SEC16B: variants seen among roughly 807,000 people sequenced by gnomAD.
SEC16B encodes the protein SEC16 homolog B, endoplasmic reticulum export factor.
Under a neutral mutation model 141.8 loss-of-function variants are expected in SEC16B, and 115 were observed. The observed-to-expected ratio is 0.81, with a 90% confidence interval of 0.70 to 0.95. The LOEUF is 0.95. Among genes scored for constraint, SEC16B ranks in the 40% least tolerant of loss-of-function variants. SEC16B has a pLI of 0.00. For synonymous variants in SEC16B, 493 were observed against 492.5 expected (o/e 1.00, Z -0.01); for missense variants, 1,291 against 1,312.3 (o/e 0.98, Z 0.25).
At chr1:177,951,777 G>T in intron 12 of SEC16B, 137 bp downstream of exon 12, 1 of 712,282 alleles carries the variant, frequency 1.4e-6, no homozygotes, top group Non-Finnish European at 2.5e-6. Context: ...CACAGGGCCT[G>T]GCACATGGTG....
Position 177,937,484 on chromosome 1 carries a change from A to G in SEC16B, c.2233T>C (p.Cys745Arg). ...CCAGGGGCTTCAGAGTAGCCTTGACATCCAGAAAAGTCCTGGTAGAAAGTG... is the reference window on the plus strand; with the variant it reads ...CCAGGGGCTTCAGAGTAGCCTTGACGTCCAGAAAAGTCCTGGTAGAAAGTG... ...ENTFYQDFSGCQGYSEAPGYR... is the reference protein window; with the variant it reads ...ENTFYQDFSGRQGYSEAPGYR... Residue 745 changes from cysteine (C) to arginine (R), a missense_variant, in exon 19 of 26, where the codon TGT becomes CGT. This residue lies in a region of SEC16B where 605 missense variants were observed against 614.1 expected (regional missense o/e 0.99). Coordinates refer to ENST00000308284, the MANE Select transcript of SEC16B (RefSeq NM_033127.4). 2 of 1,571,610 alleles carry G rather than the reference A, an allele frequency of 1.3e-6. No homozygotes were observed. Among genetic ancestry groups the G allele is most frequent in the Non-Finnish European group, 8.6e-7 (1 of 1,160,098 alleles).
At chr1:177,938,069 TC>T (rs1269639618) in intron 18 of SEC16B, among the ~76,000 whole-genome samples, 1 of 152,204 alleles carries the variant, frequency 6.6e-6, no homozygotes, top group Non-Finnish European at 1.5e-5. Context: ...AGGTTTTTTT[TC>T]TCTGGCAGCT....
intron 20 of SEC16B, among the ~76,000 whole-genome samples, chr1:177,934,040 A>G (rs891994407): frequency 2.0e-5 from 3 of 151,932 alleles, no homozygotes; most frequent in Non-Finnish European, 2.9e-5. Flanking sequence ...AACATAACTC[A>G]TCTTAGAGCT....
At chr1:177,948,424 T>A in intron 12 of SEC16B, 2 of 1,304,392 alleles carry the variant, frequency 1.5e-6, no homozygotes, top group Non-Finnish European at 2.0e-6. Context: ...ACAAAGCCCA[T>A]TCACACACAT....
upstream of SEC16B, among the ~76,000 whole-genome samples, chr1:177,970,703 C>G (rs1431799104): frequency 6.6e-6 from 1 of 152,192 alleles, no homozygotes. Flanking sequence ...TCCATTATAA[C>G]AAGAAAGTAG....
intron 2 of SEC16B, among the ~76,000 whole-genome samples, chr1:177,967,344 GA>G (rs998329407): frequency 2.0e-5 from 3 of 151,998 alleles, no homozygotes; most frequent in African/African-American, 7.2e-5. Flanking sequence ...CTACATAAAT[GA>G]ACTTTTGCAA....
At chr1:177,973,597 G>C (rs1342128006), upstream of SEC16B, among the ~76,000 whole-genome samples, 1 of 152,172 alleles carries the variant, frequency 6.6e-6, no homozygotes, top group Admixed American at 6.5e-5. Flanking sequence ...TTCCAAGATT[G>C]ATTAACTGTG....
intron 22 of SEC16B, 52 bp downstream of exon 22, chr1:177,933,162 C>A: frequency 7.0e-7 from 1 of 1,430,364 alleles, no homozygotes; most frequent in Non-Finnish European, 9.6e-7. Context: ...TGAGGCAGCT[C>A]CCTCTGAAAG....
In SEC16B at chr1:177,937,317, T is replaced by C. The variant is rs1650919577; in HGVS notation, c.2400A>G (p.Ser800=). 6.2e-7 allele frequency: 1 copy of C among 1,613,758 alleles called. No homozygotes were observed. Among genetic ancestry groups the C allele is most frequent in the Admixed American group, 1.7e-5 (1 of 59,990 alleles). The change falls in exon 19 of 26, where the codon TCA becomes TCG. Residue 800 remains serine, a synonymous_variant. Transcript: ENST00000308284. ...GQTGTPRPFY[S]VPETHLPGTG... ...TCCCTGGTAGATGGGTCTCAGGAAC[T>C]GAGTAAAAAGGCCTCGGTGTCCCTG... is the stretch of plus-strand genomic sequence containing the variant.
At chr1:177,952,879 T>A (rs1652311274) in intron 11 of SEC16B, among the ~76,000 whole-genome samples, 1 of 152,090 alleles carries the variant, frequency 6.6e-6, no homozygotes, top group Admixed American at 6.6e-5. Flanking sequence ...CACCGTGGTG[T>A]CACCAGTCTC....
At chr1:177,934,174 C>T (rs1650669928) in intron 20 of SEC16B, among the ~76,000 whole-genome samples, 2 of 151,832 alleles carry the variant, frequency 1.3e-5, no homozygotes, top group Admixed American at 1.3e-4. Flanking sequence ...CAGGATAAAG[C>T]TTGCCATTTT....
At position 177,929,722 on chromosome 1, in the gene SEC16B, A is replaced by G; in HGVS notation, c.*136T>C. 2 of 814,634 alleles carry G rather than the reference A, an allele frequency of 2.5e-6. No individual in the cohort carries two copies. Among genetic ancestry groups the G allele is most frequent in the South Asian group, 3.2e-5 (2 of 62,716 alleles). 50.5% of individuals were successfully genotyped at this position (814,634 alleles called of 1,614,324 possible). ...GAGAGATCCTGTCCTCTTGCCTTCT[A>G]AGTGCCCGGTGGAGGCATCGGGCTA... On this transcript the variant is annotated 3_prime_UTR_variant, in exon 26 of 26. Coordinates refer to ENST00000308284, the MANE Select transcript of SEC16B (RefSeq NM_033127.4).
chr1:177,944,714 A>C (rs750058778), intron 14 of SEC16B, 48 bp from the exon 15 acceptor site: 1 of 1,503,324 alleles, frequency 6.7e-7, no homozygotes, highest in East Asian at 2.3e-5. Context: ...TGGGGGACGC[A>C]GGAGTTAAAT....
intron 20 of SEC16B, among the ~76,000 whole-genome samples, chr1:177,935,106 C>T (rs1650735081): frequency 6.6e-6 from 1 of 151,986 alleles, no homozygotes; most frequent in South Asian, 2.1e-4. Context: ...ATTCACCTGG[C>T]TCATTTCCAT....
chr1:177,980,883 G>T (rs1477279251), intron 1 of SEC16B, among the ~76,000 whole-genome samples: 4 of 152,092 alleles, frequency 2.6e-5, no homozygotes, highest in Non-Finnish European at 5.9e-5. Context: ...ATGTGTTCTG[G>T]GCAGAACAGA....
In SEC16B at chr1:177,958,147, G is replaced by A. The variant is rs775914109; in HGVS notation, c.1350C>T (p.Tyr450=). Residue 450 remains tyrosine (Y), a synonymous_variant, in exon 10 of 26, where the codon TAC becomes TAT. Transcript: ENST00000308284. ...GCATACTTGCCTTCTTCCTTCCATA[G>A]TAGAGCAGCCTAGTGAATTTCTCCA... ...QIVEKFTRLL[Y]YGRKKEALEW... The A allele has an allele frequency of 9.6e-5, 147 of 1,527,994 alleles. No homozygotes were observed. Among genetic ancestry groups the A allele is most frequent in the Non-Finnish European group, 1.3e-4 (146 of 1,133,292 alleles). The allele number at this position is 1,527,994 out of a possible 1,614,324, so 94.7% of individuals were successfully genotyped here.
At position 177,933,654 on chromosome 1, in the gene SEC16B, ACT is replaced by A; in HGVS notation, c.2572-20_2572-19del. ...AATGGTGTCTGGAATTAAAGAAATA[ACT>A]CACATTTGCATGGCACTTGACAGGT... On this transcript the variant is annotated intron_variant, in intron 20 of 25. Transcript: ENST00000308284. 6.2e-7 allele frequency: 1 copy of A among 1,613,350 alleles called. No homozygotes were observed. The highest frequency in any genetic ancestry group is 1.1e-5 in the South Asian group (1 of 91,010).
At position 177,967,804 on chromosome 1, in the gene SEC16B, G is replaced by A; in HGVS notation, c.178C>T (p.Gln60Ter). ...QDNRGSPQPQ[Q>*]EPRADHQQQP... ...TGCTGATGGTCTGCCCTGGGCTCCT[G>A]CTGTGGCTGGGGGCTCCCACGGTTG... The change falls in exon 2 of 26, where the codon CAG becomes TAG. Residue 60 changes from glutamine to a stop codon, truncating the protein, a stop_gained. Coordinates refer to ENST00000308284, the MANE Select transcript of SEC16B (RefSeq NM_033127.4). LOFTEE classifies it high-confidence loss of function. 1 of 1,614,018 alleles carries A rather than the reference G, an allele frequency of 6.2e-7. No homozygotes were observed. Among genetic ancestry groups the A allele is most frequent in the Non-Finnish European group, 8.5e-7 (1 of 1,179,900 alleles).
At chr1:177,956,969 T>G (rs1191245432) in intron 10 of SEC16B, among the ~76,000 whole-genome samples, 1 of 152,174 alleles carries the variant, frequency 6.6e-6, no homozygotes, top group Non-Finnish European at 1.5e-5. Flanking sequence ...CTTATGATAT[T>G]TTCTATTTAA....
Sources: gnomAD v4.1 joint callset for allele counts (sites outside exome capture counted in the v4.1 genomes callset) on GRCh38, gnomAD v4.1.1 for gene constraint, gnomAD v4.1.1 regional missense constraint, MANE v1.5 for transcripts, NCBI Gene and HGNC (gene_info 2026-07-23, HGNC 2026-07-21) for gene names.